The following PLEKHA5 variants were observed in gnomAD, a reference collection of about 807,000 sequenced individuals.
PLEKHA5 encodes the protein pleckstrin homology domain containing A5, also known as pleckstrin homology domain-containing family A member 5.
PLEKHA5 carries 55 observed loss-of-function variants against 181.9 expected under a neutral mutation model. The ratio of observed to expected loss-of-function variants is 0.30; its 90% CI spans 0.24 to 0.38. PLEKHA5 has a LOEUF of 0.38. Among genes scored for constraint, PLEKHA5 ranks in the 10% least tolerant of loss-of-function variants. The pLI, the probability that PLEKHA5 is intolerant of heterozygous loss-of-function variation, is 1.00. For missense variants in PLEKHA5, 1,432 were observed against 1,549.5 expected, an observed-to-expected ratio of 0.92 and a Z score of 1.27; for synonymous variants, 535 against 529.4, an observed-to-expected ratio of 1.01 and a Z score of -0.15.
intron 3 of PLEKHA5, among the ~76,000 whole-genome samples, chr12:19,183,775 G>C (rs369971565): frequency 1.3e-5 from 2 of 152,066 alleles, no homozygotes; most frequent in Non-Finnish European, 2.9e-5. Flanking sequence ...GCACAGTGGC[G>C]TGATCTTGGC....
chr12:19,184,533 G>A (rs1367124493), intron 3 of PLEKHA5, among the ~76,000 whole-genome samples: 1 of 152,120 alleles, frequency 6.6e-6, no homozygotes, highest in Non-Finnish European at 1.5e-5. Context: ...GTACTGTGCC[G>A]GTGAGTAGGG....
rs371933610 is a variant in PLEKHA5, at chr12:19,274,915, T to C, written c.1245T>C (p.Asn415=). 7.4e-6 allele frequency: 12 copies of C among 1,613,630 alleles called. No individual in the cohort carries two copies. In the African/African-American group the frequency reaches 1.3e-4, roughly 18 times the overall value. ...CCGATCGAGTCATACAGAGAACAAATTCAATGCAGCAGTTGGAACAGTGGA... is the reference window on the plus strand; with the variant it reads ...CCGATCGAGTCATACAGAGAACAAACTCAATGCAGCAGTTGGAACAGTGGA... ...TEADRVIQRT[N]SMQQLEQWIK... The change falls in exon 11 of 32, where the codon AAT becomes AAC. Residue 415 remains asparagine (N), a synonymous_variant. Coordinates refer to ENST00000429027, the MANE Select transcript of PLEKHA5 (RefSeq NM_001256470.2).
intron 3 of PLEKHA5, among the ~76,000 whole-genome samples, chr12:19,223,773 T>C (rs1378383836): frequency 2.0e-5 from 3 of 152,062 alleles, no homozygotes; most frequent in Non-Finnish European, 2.9e-5. Context: ...AGGGATCAGC[T>C]CAGTTAATGG....
intron 10 of PLEKHA5, among the ~76,000 whole-genome samples, chr12:19,273,813 T>G (rs139349030): frequency 6.6e-6 from 1 of 152,186 alleles, no homozygotes; most frequent in Non-Finnish European, 1.5e-5. Context: ...AAATAAGGTC[T>G]GTGCCAGCCA....
intron 3 of PLEKHA5, among the ~76,000 whole-genome samples, chr12:19,138,087 A>C (rs1010846123): frequency 2.0e-5 from 3 of 152,282 alleles, no homozygotes; most frequent in African/African-American, 4.8e-5. Flanking sequence ...GGAAGAGTTG[A>C]AGAGTCGATG....
intron 3 of PLEKHA5, among the ~76,000 whole-genome samples, chr12:19,173,068 C>G (rs1271469195): frequency 6.5e-5 from 8 of 122,684 alleles, no homozygotes; most frequent in Admixed American, 2.1e-4. Flanking sequence ...CCAGGCCGGA[C>G]TGCGGACTGC....
intron 3 of PLEKHA5, among the ~76,000 whole-genome samples, chr12:19,215,840 TAAC>T (rs561093893): frequency 3.3e-5 from 5 of 152,346 alleles, no homozygotes; most frequent in African/African-American, 7.2e-5. Flanking sequence ...AATGGTAATT[TAAC>T]AACAAGTCAG....
intron 20 of PLEKHA5, among the ~76,000 whole-genome samples, chr12:19,324,536 A>T (rs2091655431): frequency 6.6e-6 from 1 of 152,096 alleles, no homozygotes; most frequent in Non-Finnish European, 1.5e-5. Flanking sequence ...TCTTCTTACC[A>T]CATTTCTGAA....
intron 3 of PLEKHA5, among the ~76,000 whole-genome samples, chr12:19,219,595 A>G (rs1366393737): frequency 6.6e-6 from 1 of 151,566 alleles, no homozygotes; most frequent in Non-Finnish European, 1.5e-5. Context: ...GAATACTTAT[A>G]GGTTACCTGT....
At chr12:19,336,921 C>T (rs1415155260) in intron 21 of PLEKHA5, among the ~76,000 whole-genome samples, 1 of 151,394 alleles carries the variant, frequency 6.6e-6, no homozygotes, top group African/African-American at 2.4e-5. Context: ...CCATCTGTGT[C>T]ACTTGGTATT....
chr12:19,327,163 C>A (rs1186496263), intron 20 of PLEKHA5, among the ~76,000 whole-genome samples: 1 of 151,920 alleles, frequency 6.6e-6, no homozygotes, highest in Non-Finnish European at 1.5e-5. Flanking sequence ...AAACTGCTGT[C>A]CATAGTGGCT....
At chr12:19,257,343 T>C in intron 5 of PLEKHA5, 90 bp from the exon 6 acceptor site, 1 of 644,516 alleles carries the variant, frequency 1.6e-6, no homozygotes, top group South Asian at 2.2e-5. Context: ...CTTGGGAAAA[T>C]CTGAAAAGAG....
rs1168500326 is a variant in PLEKHA5 at position 19,161,507 on chromosome 12, C to T, written c.227+29057C>T. Among the ~76,000 whole-genome samples the T allele has an allele frequency of 2.0e-5, 3 of 152,144 alleles. No homozygotes were observed. In the East Asian group the frequency reaches 5.8e-4, roughly 29 times the overall value. Reference sequence around the variant, plus strand: ...CGCACAATCAGCACCCCTCTCCCACCCCATCTCCGTGTCTCCACCCCTCAT... The same window carrying T: ...CGCACAATCAGCACCCCTCTCCCACTCCATCTCCGTGTCTCCACCCCTCAT... On this transcript the variant is annotated intron_variant, in intron 3 of 31. Coordinates refer to ENST00000429027, the MANE Select transcript of PLEKHA5 (RefSeq NM_001256470.2).
At chr12:19,310,035 A>C (rs1034675130) in intron 15 of PLEKHA5, among the ~76,000 whole-genome samples, 2 of 152,218 alleles carry the variant, frequency 1.3e-5, no homozygotes, top group African/African-American at 4.8e-5. Context: ...ATACATTTTC[A>C]TTCCTATTAT....
At chr12:19,311,644 A>G (rs1267644019) in intron 15 of PLEKHA5, among the ~76,000 whole-genome samples, 1 of 152,136 alleles carries the variant, frequency 6.6e-6, no homozygotes, top group Non-Finnish European at 1.5e-5. Flanking sequence ...CTCAAGTTTT[A>G]GTATGAGATT....
chr12:19,362,068 T>C (rs1439223998), intron 29 of PLEKHA5, among the ~76,000 whole-genome samples: 1 of 144,092 alleles, frequency 6.9e-6, no homozygotes, highest in Non-Finnish European at 1.5e-5. Flanking sequence ...ACTCGGAGGC[T>C]GAGGTGAGAA....
chr12:19,361,240 G>T (rs998463467), intron 28 of PLEKHA5, among the ~76,000 whole-genome samples: 2 of 152,106 alleles, frequency 1.3e-5, no homozygotes, highest in Non-Finnish European at 2.9e-5. Context: ...CTGGAGTGCA[G>T]TCCGCGATCT....
At chr12:19,139,323 T>C (rs1385557653) in intron 3 of PLEKHA5, among the ~76,000 whole-genome samples, 1 of 152,180 alleles carries the variant, frequency 6.6e-6, no homozygotes, top group Non-Finnish European at 1.5e-5. Context: ...GTTTTTGAGC[T>C]GCTTGAGAGG....
At chr12:19,298,839 C>G (rs748128464) in intron 15 of PLEKHA5, among the ~76,000 whole-genome samples, 1 of 152,140 alleles carries the variant, frequency 6.6e-6, no homozygotes, top group Non-Finnish European at 1.5e-5. Flanking sequence ...CTTTGAGAGC[C>G]GTCAGCACTC....
Sources: allele counts gnomAD v4.1 joint callset (sites outside exome capture counted in the v4.1 genomes callset), GRCh38; gene constraint gnomAD v4.1.1; transcripts MANE v1.5; gene names NCBI Gene and HGNC (gene_info 2026-07-23, HGNC 2026-07-21).